Variants in SNRPN observed in about 807,000 individuals in gnomAD.
SNRPN encodes small nuclear ribonucleoprotein-associated protein N.
SNRPN carries 7 observed loss-of-function variants against 25.2 expected under a neutral mutation model. The observed-to-expected ratio is 0.28, with a 90% CI of 0.16 to 0.52. The LOEUF is 0.52. Ranked by LOEUF, SNRPN falls within the 20% of genes least tolerant of loss-of-function variation. The pLI, the probability that SNRPN is intolerant of heterozygous loss-of-function variation, is 0.96. For synonymous variants in SNRPN, 124 were observed against 110.6 expected (o/e 1.12, Z -0.76); for missense variants, 196 against 322.5 (o/e 0.61, Z 3.00).
chr15:24,955,018 C>A lies in SNRPN; in HGVS notation c.-435C>A, dbSNP rs372506458. The A allele has an allele frequency of 2.5e-6, 4 of 1,612,462 alleles. No individual in the cohort carries two copies. Among genetic ancestry groups the A allele is most frequent in the Non-Finnish European group, 3.4e-6 (4 of 1,179,876 alleles). On this transcript the variant is annotated 5_prime_UTR_variant, in exon 1 of 10. Transcript: ENST00000390687. Reference sequence around the variant, plus strand: ...TGGAGCGGCCGCCGGAGATGCCTGACGCATCTGTCTGAGGAGCGGTCAGTG... The same window carrying A: ...TGGAGCGGCCGCCGGAGATGCCTGAAGCATCTGTCTGAGGAGCGGTCAGTG...
intron 1 of SNRPN, among the ~76,000 whole-genome samples, chr15:24,955,317 A>G (rs1335777451): frequency 1.3e-5 from 2 of 151,532 alleles, no homozygotes; most frequent in East Asian, 2.0e-4. Flanking sequence ...GACAGGTCCT[A>G]TTGCGGGTGT....
intron 2 of SNRPN, among the ~76,000 whole-genome samples, chr15:24,841,139 G>A (rs760708066): frequency 8.6e-5 from 13 of 151,952 alleles, no homozygotes; most frequent in African/African-American, 1.4e-4. Flanking sequence ...ACGGCCAGCC[G>A]GTTGTCACAT....
intron 1 of SNRPN, among the ~76,000 whole-genome samples, chr15:24,876,434 T>C (rs1283561687): frequency 2.0e-5 from 3 of 152,026 alleles, no homozygotes; most frequent in Non-Finnish European, 4.4e-5. Context: ...CTGGCCAACA[T>C]GGTGAAACGT....
chr15:24,864,096 T>G (rs1305376430), intron 1 of SNRPN, among the ~76,000 whole-genome samples: 5 of 148,678 alleles, frequency 3.4e-5, no homozygotes, highest in Non-Finnish European at 7.4e-5. Context: ...GCGTGAACTC[T>G]GCTTACTGCA....
intron 2 of SNRPN, among the ~76,000 whole-genome samples, chr15:24,908,066 A>G (rs2058960711): frequency 6.7e-6 from 1 of 149,572 alleles, no homozygotes; most frequent in East Asian, 1.9e-4. Flanking sequence ...AAAAAAAAAA[A>G]AAAAAAAAAA....
intron 2 of SNRPN, among the ~76,000 whole-genome samples, chr15:24,840,022 G>A (rs994693682): frequency 6.6e-6 from 1 of 152,170 alleles, no homozygotes; most frequent in Admixed American, 6.5e-5. Context: ...GAGGTGCCCA[G>A]TCCAAAACAG....
intron 4 of SNRPN, 60 bp from the exon 5 acceptor site, chr15:24,975,298 G>A: frequency 1.5e-6 from 2 of 1,374,978 alleles, no homozygotes; most frequent in East Asian, 2.3e-5. Context: ...AGAAACAGGA[G>A]AAGATTAGAA....
At chr15:24,903,980 G>A (rs1429523887) in intron 2 of SNRPN, among the ~76,000 whole-genome samples, 2 of 151,376 alleles carry the variant, frequency 1.3e-5, no homozygotes, top group Non-Finnish European at 2.9e-5. Flanking sequence ...GTTGCAGTGA[G>A]CAGAGCTGAG....
chr15:24,890,801 C>T (rs1424367787), intron 2 of SNRPN, among the ~76,000 whole-genome samples: 4 of 152,330 alleles, frequency 2.6e-5, no homozygotes, highest in African/African-American at 9.6e-5. Flanking sequence ...TTATGTTTTT[C>T]TCTTGTAAAT....
upstream of SNRPN, among the ~76,000 whole-genome samples, chr15:24,856,380 C>T (rs2053387058): frequency 6.6e-6 from 1 of 152,260 alleles, no homozygotes; most frequent in Admixed American, 6.5e-5. Context: ...GTCAACACTC[C>T]TCATTAGGAT....
At chr15:24,930,210 C>CA (rs10554147) in intron 3 of SNRPN, among the ~76,000 whole-genome samples, 3,716 of 93,710 alleles carry the variant, frequency 0.04, 102 homozygotes, top group Middle Eastern at 0.061. Context: ...CACCACAGTC[C>CA]AAAAAAAAAA....
intron 2 of SNRPN, among the ~76,000 whole-genome samples, chr15:24,842,653 C>T (rs1159126175): frequency 6.6e-6 from 1 of 152,184 alleles, no homozygotes; most frequent in Non-Finnish European, 1.5e-5. Context: ...CCTGGACAGT[C>T]CCTCCCTAAC....
chr15:24,868,012 G>A (rs896369894), intron 1 of SNRPN, among the ~76,000 whole-genome samples: 2 of 151,568 alleles, frequency 1.3e-5, no homozygotes, highest in African/African-American at 4.8e-5. Flanking sequence ...TATTTTAGTT[G>A]ATATAACAGA....
chr15:24,825,453 A>G (rs1280783700), intron 1 of SNRPN, among the ~76,000 whole-genome samples: 1 of 152,110 alleles, frequency 6.6e-6, no homozygotes, highest in African/African-American at 2.4e-5. Context: ...CATTGATGAG[A>G]GTTGCGTTCT....
At chr15:24,888,194 C>T (rs541701577) in intron 2 of SNRPN, among the ~76,000 whole-genome samples, 99 of 151,010 alleles carry the variant, frequency 6.6e-4, no homozygotes, top group African/African-American at 2.2e-3. Context: ...CCACAACCTC[C>T]GCCTCCCAGG....
chr15:24,834,733 C>CCCTCTCTCTCTCTCTCTCTG (rs1566806472), intron 2 of SNRPN, among the ~76,000 whole-genome samples: 1 of 69,116 alleles, frequency 1.4e-5, no homozygotes, highest in African/African-American at 7.8e-5. Context: ...CTCTCCCTCT[C>CCCTCTCTCTCTCTCTCTCTG]TCTCTCTCTC....
At chr15:24,829,755 G>A (rs1028607078) in intron 1 of SNRPN, 28 of 152,238 alleles carry the variant, frequency 1.8e-4, no homozygotes, top group Admixed American at 1.8e-3. Flanking sequence ...AAAAGAGAGT[G>A]AAAAGGGGCA....
intron 1 of SNRPN, among the ~76,000 whole-genome samples, chr15:24,827,388 G>A (rs963069472): frequency 6.6e-6 from 1 of 151,552 alleles, no homozygotes; most frequent in East Asian, 1.9e-4. Context: ...GGTGGCGGGC[G>A]CCTGTAGTCC....
chr15:24,934,553 T>A (rs1240914512), intron 3 of SNRPN, among the ~76,000 whole-genome samples: 1 of 152,250 alleles, frequency 6.6e-6, no homozygotes, highest in African/African-American at 2.4e-5. Flanking sequence ...GATCTCTGCC[T>A]GATTCATTGA....
Sources: gnomAD v4.1 joint callset for allele counts (sites outside exome capture counted in the v4.1 genomes callset) on GRCh38, gnomAD v4.1.1 for gene constraint, MANE v1.5 for transcripts, NCBI Gene and HGNC (gene_info 2026-07-23, HGNC 2026-07-21) for gene names.